CFAP97D2: variants seen among roughly 807,000 people sequenced by gnomAD.
The protein encoded by CFAP97D2 is CFAP97 domain containing 2, also known as uncharacterized protein CFAP97D2.
Position 114,211,826 on chromosome 13 carries a change from C to T in CFAP97D2, c.291-86C>T, listed in dbSNP as rs189432561. Reference sequence around the variant, plus strand: ...GCAACCCTCCACCCCGGGACCCCTTCCTGCTCTGGAGCCTGTTGGCCCTGT... The same window carrying T: ...GCAACCCTCCACCCCGGGACCCCTTTCTGCTCTGGAGCCTGTTGGCCCTGT... On this transcript the variant is annotated intron_variant, in intron 3 of 4. Transcript: ENST00000646158. This position sits in a 1 kb window ranked among gnomAD's most constrained non-coding sequence, Gnocchi z 4.2. 2.6e-3 allele frequency: 1,038 copies of T among 397,976 alleles called. 4 individuals carry two copies. The highest frequency in any genetic ancestry group is 3.4e-3 in the Non-Finnish European group (762 of 226,060). The allele number at this position is 397,976 out of a possible 1,614,324, so 24.7% of individuals were successfully genotyped here.
intron 1 of CFAP97D2, among the ~76,000 whole-genome samples, chr13:114,182,782 G>C (rs1323584094): frequency 1.3e-5 from 2 of 152,210 alleles, no homozygotes; most frequent in African/African-American, 2.4e-5. Context: ...TTGGATCAAA[G>C]TGGTTAGGTC....
chr13:114,194,207 G>A (rs1232500569), intron 1 of CFAP97D2, among the ~76,000 whole-genome samples: 1 of 152,164 alleles, frequency 6.6e-6, no homozygotes, highest in Non-Finnish European at 1.5e-5. Flanking sequence ...AATGGATCTA[G>A]GATCATTCAC....
chr13:114,199,668 C>G (rs113665656), intron 2 of CFAP97D2: 1 of 53,918 alleles, frequency 1.9e-5, no homozygotes, highest in Non-Finnish European at 3.2e-5. Context: ...CGTCCCCGTG[C>G]TTACGGTCCC....
intron 1 of CFAP97D2, among the ~76,000 whole-genome samples, chr13:114,183,883 C>T (rs2138749057): frequency 6.6e-6 from 1 of 152,326 alleles, no homozygotes; most frequent in East Asian, 1.9e-4. Flanking sequence ...CACAGTGGCT[C>T]ATGCCTGTAA....
At position 114,211,401 on chromosome 13, in the gene CFAP97D2, A is replaced by G. The variant is rs962146939; in HGVS notation, c.291-511A>G. On this transcript the variant is annotated intron_variant, in intron 3 of 4. Coordinates refer to ENST00000646158, the Ensembl canonical transcript of CFAP97D2. This position sits in a 1 kb window ranked among gnomAD's most constrained non-coding sequence, Gnocchi z 4.2. ...GTTTGAAGCCATTCAGTGGCTCCAC[A>G]CTGTCTTCCACATGTGCCAGACTCT... is the stretch of plus-strand genomic sequence containing the variant. 2.2e-4 allele frequency among the ~76,000 whole-genome samples: 33 copies of G among 152,128 alleles called. No individual in the cohort carries two copies. Among genetic ancestry groups the G allele is most frequent in the Admixed American group, 2.0e-3 (31 of 15,284 alleles).
rs147719864 is a variant in CFAP97D2 at position 114,192,250 on chromosome 13, T to C, written c.91-4146T>C. On this transcript the variant is annotated intron_variant, in intron 1 of 4. Coordinates refer to ENST00000646158, the Ensembl canonical transcript of CFAP97D2. The stretch of plus-strand genomic sequence containing the variant: ...GTTTTAGGTAATTATGATGTGTCAA[T>C]GTAGGTTCATCGATTGTAACAAACA... 3.4e-3 allele frequency among the ~76,000 whole-genome samples: 515 copies of C among 152,280 alleles called. 3 individuals are homozygous for C. Among genetic ancestry groups the C allele is most frequent in the African/African-American group, 0.012 (487 of 41,572 alleles).
At position 114,211,632 on chromosome 13, in the gene CFAP97D2, G is replaced by A. The variant is rs1029273367; in HGVS notation, c.291-280G>A. 1.3e-4 allele frequency among the ~76,000 whole-genome samples: 20 copies of A among 152,186 alleles called. No homozygotes were observed. Among genetic ancestry groups the A allele is most frequent in the Admixed American group, 1.1e-3 (17 of 15,284 alleles). On this transcript the variant is annotated intron_variant, in intron 3 of 4. Coordinates refer to ENST00000646158, the Ensembl canonical transcript of CFAP97D2. The surrounding 1 kb of genome is among the most constrained non-coding windows in gnomAD (Gnocchi z 4.2). ...GCTGACCACGCTCAGGAAGCACCGGGAGACTTCCCCGCTGTGCCCCATTGT... is the reference window on the plus strand; with the variant it reads ...GCTGACCACGCTCAGGAAGCACCGGAAGACTTCCCCGCTGTGCCCCATTGT...
chr13:114,200,183 C>T, intron 2 of CFAP97D2, 142 bp from the exon 3 acceptor site: 1 of 392,644 alleles, frequency 2.5e-6, no homozygotes, highest in Non-Finnish European at 4.5e-6. Context: ...TGTGTTCGGT[C>T]CCCGCTGAGG....
At chr13:114,206,061 T>G (rs2080938493) in intron 3 of CFAP97D2, among the ~76,000 whole-genome samples, 1 of 151,726 alleles carries the variant, frequency 6.6e-6, no homozygotes, top group South Asian at 2.1e-4. Context: ...TCAGCTCAAA[T>G]GCCAGAGACA....
rs2080851302 is a variant in CFAP97D2, at chr13:114,185,563, C to T, written c.90+6143C>T. Among the ~76,000 whole-genome samples the T allele has an allele frequency of 6.6e-6, 1 of 152,246 alleles. No individual in the cohort carries two copies. The highest frequency in any genetic ancestry group is 6.5e-5 in the Admixed American group (1 of 15,292). ...ACCCAGGCATGTGTGTGGTTCTGCA[C>T]TCTCAGGAGCCCAGGAAGGCCCCCT... is the stretch of plus-strand genomic sequence containing the variant. On this transcript the variant is annotated intron_variant, in intron 1 of 4. Transcript: ENST00000646158. This position sits in a 1 kb window ranked among gnomAD's most constrained non-coding sequence, Gnocchi z 5.2.
intron 1 of CFAP97D2, among the ~76,000 whole-genome samples, chr13:114,180,898 G>A (rs768987536): frequency 3.9e-5 from 6 of 152,252 alleles, no homozygotes; most frequent in Non-Finnish European, 7.3e-5. Context: ...GTAAGGTAAA[G>A]AAGGTTGAAA....
At chr13:114,214,590 G>GTTTGTTTA in intron 4 of CFAP97D2, among the ~76,000 whole-genome samples, 1 of 152,080 alleles carries the variant, frequency 6.6e-6, no homozygotes, top group Middle Eastern at 3.4e-3. Context: ...GGTTTTGTTT[G>GTTTGTTTA]TTTGTTTGTT....
intron 1 of CFAP97D2, among the ~76,000 whole-genome samples, chr13:114,184,604 G>A (rs9590396): frequency 0.079 from 12,005 of 152,216 alleles, 843 homozygotes; most frequent in African/African-American, 0.2. Flanking sequence ...AGGAAGGGAA[G>A]CAAGACCCTA....
At chr13:114,197,542 A>C (rs1456316882) in intron 2 of CFAP97D2, among the ~76,000 whole-genome samples, 1 of 152,088 alleles carries the variant, frequency 6.6e-6, no homozygotes, top group Non-Finnish European at 1.5e-5. Context: ...TTAGAATTTT[A>C]TTTGTGGTTT....
chr13:114,197,838 T>C (rs1161188177), intron 2 of CFAP97D2, among the ~76,000 whole-genome samples: 3 of 144,844 alleles, frequency 2.1e-5, no homozygotes, highest in Non-Finnish European at 4.4e-5. Flanking sequence ...GCACCCACCA[T>C]CAAGCCCTGC....
At chr13:114,195,423 A>G (rs540458888) in intron 1 of CFAP97D2, among the ~76,000 whole-genome samples, 2 of 152,278 alleles carry the variant, frequency 1.3e-5, no homozygotes, top group African/African-American at 2.4e-5. Context: ...ACGTGGGTTC[A>G]GTCCCCAGCC....
intron 1 of CFAP97D2, among the ~76,000 whole-genome samples, chr13:114,194,498 G>T (rs1166110734): frequency 3.3e-5 from 5 of 152,134 alleles, no homozygotes; most frequent in African/African-American, 2.4e-5. Flanking sequence ...GCCTTTTTAC[G>T]TGAGTCCTGA....
chr13:114,183,484 A>T (rs2080844622), intron 1 of CFAP97D2, among the ~76,000 whole-genome samples: 1 of 152,084 alleles, frequency 6.6e-6, no homozygotes, highest in Non-Finnish European at 1.5e-5. Context: ...TGTCATTTAT[A>T]AACAACAGAA....
At chr13:114,218,963 A>AT (rs2081007889) in intron 4 of CFAP97D2, among the ~76,000 whole-genome samples, 1 of 152,252 alleles carries the variant, frequency 6.6e-6, no homozygotes, top group South Asian at 2.1e-4. Flanking sequence ...GGACATAGGC[A>AT]TGGGCAAGGA....
Sources: allele counts gnomAD v4.1 joint callset (sites outside exome capture counted in the v4.1 genomes callset), GRCh38; gene constraint gnomAD v4.1.1; non-coding constraint Gnocchi (gnomAD v3.1); transcripts MANE v1.5; gene names NCBI Gene and HGNC (gene_info 2026-07-23, HGNC 2026-07-21).